The following IFT122 variants were observed in gnomAD, a reference collection of about 807,000 sequenced individuals.
IFT122 encodes the protein intraflagellar transport 122.
IFT122 carries 118 observed loss-of-function variants against 161.6 expected under a neutral mutation model. The observed-to-expected ratio is 0.73, with a 90% confidence interval of 0.63 to 0.85. The LOEUF (loss-of-function observed/expected upper bound fraction) is 0.85. Among genes scored for constraint, IFT122 ranks in the 40% least tolerant of loss-of-function variants. IFT122 has a pLI of 0.00. For synonymous variants in IFT122, 550 were observed against 602.4 expected (o/e 0.91, Z 1.27); for missense variants, 1,381 against 1,579.6 (o/e 0.87, Z 2.13).
intron 17 of IFT122, among the ~76,000 whole-genome samples, chr3:129,494,216 G>T (rs57715025): frequency 0.13 from 19,845 of 147,700 alleles, 1,662 homozygotes; most frequent in South Asian, 0.24. Context: ...TTGTTTGTTT[G>T]TTTTTTTTTT....
chr3:129,520,067 C>G (rs2084563718), intron 29 of IFT122, 109 bp from the exon 30 acceptor site: 3 of 893,802 alleles, frequency 3.4e-6, no homozygotes, highest in Non-Finnish European at 5.4e-6. Context: ...GTGTCCAGCC[C>G]TGACCACTGC....
chr3:129,507,175 TCA>T (rs1207227656), intron 22 of IFT122, among the ~76,000 whole-genome samples: 2 of 152,212 alleles, frequency 1.3e-5, no homozygotes. Flanking sequence ...GCTGGGAGCC[TCA>T]CAGAGTCATG....
intron 21 of IFT122, 55 bp downstream of exon 21, chr3:129,504,476 A>G: frequency 7.0e-7 from 1 of 1,421,000 alleles, no homozygotes; most frequent in South Asian, 1.1e-5. Flanking sequence ...TACTGCCAAG[A>G]CATACATTTC....
At position 129,488,257 on chromosome 3, in the gene IFT122, T is replaced by C; in HGVS notation, c.1852T>C (p.Ser618Pro). Residue 618 changes from serine (S) to proline (P), a missense_variant and splice_region_variant, in exon 16 of 30, where the codon TCC (serine) becomes CCC (proline). Coordinates refer to ENST00000348417, the MANE Select transcript of IFT122 (RefSeq NM_052989.3). ...FSISAVEVPQSAPMYQYLDRK... is the reference protein window; with the variant it reads ...FSISAVEVPQPAPMYQYLDRK... Reference sequence around the variant, plus strand: ...TTTTTCCCTTGATGAAATCCTGCAGTCCGCTCCCATGTACCAGTACCTGGA... The same window carrying C: ...TTTTTCCCTTGATGAAATCCTGCAGCCCGCTCCCATGTACCAGTACCTGGA... The C allele has an allele frequency of 6.2e-7, 1 of 1,614,090 alleles. No homozygotes were observed. Among genetic ancestry groups the C allele is most frequent in the Non-Finnish European group, 8.5e-7 (1 of 1,180,002 alleles).
chr3:129,506,467 C>T lies in IFT122; in HGVS notation c.2709C>T (p.Asn903=). 1 of 1,614,238 alleles carries T rather than the reference C, an allele frequency of 6.2e-7. No homozygotes were observed. The highest frequency in any genetic ancestry group is 1.3e-5 in the African/African-American group (1 of 75,068). The stretch of plus-strand genomic sequence containing the variant: ...TCCAGGTGCTGGAGCAGCTCACAAA[C>T]AATGCCGTGGCGGAGAGCAGGTTTA... The part of the protein sequence containing the change: ...EAVQVLEQLT[N]NAVAESRFND... Residue 903 remains asparagine (N), a synonymous_variant, in exon 22 of 30, where the codon AAC becomes AAT. Transcript: ENST00000348417.
intron 18 of IFT122, among the ~76,000 whole-genome samples, chr3:129,497,092 G>C (rs1228078530): frequency 6.6e-6 from 1 of 152,126 alleles, no homozygotes; most frequent in Non-Finnish European, 1.5e-5. Flanking sequence ...ACCAGCCTGG[G>C]CAATATGGTG....
intron 19 of IFT122, among the ~76,000 whole-genome samples, chr3:129,502,361 C>T (rs779667589): frequency 6.6e-6 from 1 of 152,158 alleles, no homozygotes; most frequent in Non-Finnish European, 1.5e-5. Context: ...ATAATCATGC[C>T]CACCTCTTAG....
intron 15 of IFT122, among the ~76,000 whole-genome samples, chr3:129,484,943 T>G (rs1369571213): frequency 6.6e-6 from 1 of 152,208 alleles, no homozygotes; most frequent in Non-Finnish European, 1.5e-5. Flanking sequence ...ACCACAGTCA[T>G]GGCACTGAAC....
At chr3:129,458,948 C>G (rs2075844662) in intron 4 of IFT122, among the ~76,000 whole-genome samples, 1 of 152,188 alleles carries the variant, frequency 6.6e-6, no homozygotes, top group East Asian at 1.9e-4. Flanking sequence ...ATCCCACCCC[C>G]AACCTGTCAT....
At chr3:129,514,658 C>G in intron 25 of IFT122, 104 bp downstream of exon 25, 1 of 1,323,480 alleles carries the variant, frequency 7.6e-7, no homozygotes, top group Non-Finnish European at 1.1e-6. Context: ...ACAGCTGCAG[C>G]TCCCTCTAGG....
At position 129,448,267 on chromosome 3, in the gene IFT122, G is replaced by A. The variant is rs189352833; in HGVS notation, c.42-1604G>A. On this transcript the variant is annotated intron_variant, in intron 1 of 29. Transcript: ENST00000348417. ...GGTTACGAGTAGAAGTTTAACAGGC[G>A]AAAGAAAGAGAAGAGCTCACTGCAG... Among the ~76,000 whole-genome samples, 4 of 152,292 alleles carry A rather than the reference G, an allele frequency of 2.6e-5. No individual in the cohort carries two copies. The East Asian group carries it at 7.7e-4, about 29-fold the overall frequency.
At chr3:129,510,412 TCTCAAGGGAC>T (rs1175609635) in intron 23 of IFT122, among the ~76,000 whole-genome samples, 3 of 152,144 alleles carry the variant, frequency 2.0e-5, no homozygotes, top group Non-Finnish European at 4.4e-5. Context: ...GGGTCAGTGG[TCTCAAGGGAC>T]CTCATCTTCC....
Position 129,444,647 on chromosome 3 carries a change from G to T in IFT122, c.41+4276G>T, listed in dbSNP as rs534726239. ...AGCCATTCTCCTGCCTCAGCCTCCC[G>T]AGTAGGTGGGACTACAGGTGTGCAC... On this transcript the variant is annotated intron_variant, in intron 1 of 29. Transcript: ENST00000348417. 1.3e-3 allele frequency among the ~76,000 whole-genome samples: 203 copies of T among 151,952 alleles called. 2 individuals are homozygous for T. The highest frequency in any genetic ancestry group is 4.7e-3 in the African/African-American group (194 of 41,450).
chr3:129,503,554 G>C (rs1434236822), intron 20 of IFT122, among the ~76,000 whole-genome samples: 1 of 152,040 alleles, frequency 6.6e-6, no homozygotes, highest in Non-Finnish European at 1.5e-5. Context: ...ATTAGGAGCT[G>C]TGCCAAGATC....
intron 7 of IFT122, 50 bp from the exon 8 acceptor site, chr3:129,466,840 T>C (rs1460921118): frequency 1.3e-6 from 2 of 1,552,856 alleles, no homozygotes; most frequent in Non-Finnish European, 1.8e-6. Context: ...ATTATAGTTT[T>C]AGTGTAGTTC....
At chr3:129,498,998 G>T (rs1259777009) in intron 18 of IFT122, among the ~76,000 whole-genome samples, 1 of 152,232 alleles carries the variant, frequency 6.6e-6, no homozygotes. Context: ...GAGAAGCTGG[G>T]CATACCACTT....
At chr3:129,443,561 C>G (rs772449112) in intron 1 of IFT122, among the ~76,000 whole-genome samples, 28 of 152,200 alleles carry the variant, frequency 1.8e-4, no homozygotes, top group Non-Finnish European at 2.1e-4. Context: ...TTCTGAGTTT[C>G]TGGTGATTTC....
At chr3:129,505,350 C>G (rs36104554) in intron 21 of IFT122, among the ~76,000 whole-genome samples, 5 of 152,174 alleles carry the variant, frequency 3.3e-5, no homozygotes, top group Non-Finnish European at 5.9e-5. Flanking sequence ...AACCGTTGCC[C>G]TCTCTGGACA....
chr3:129,515,282 C>G (rs2083349569), intron 25 of IFT122: 1 of 630,272 alleles, frequency 1.6e-6, no homozygotes, highest in African/African-American at 1.8e-5. Flanking sequence ...CACGGGGACC[C>G]AAGTGACAGG....
Sources: gnomAD v4.1 joint callset for allele counts (sites outside exome capture counted in the v4.1 genomes callset) on GRCh38, gnomAD v4.1.1 for gene constraint, MANE v1.5 for transcripts, NCBI Gene and HGNC (gene_info 2026-07-23, HGNC 2026-07-21) for gene names.